CFAP43: variants seen among roughly 807,000 people sequenced by gnomAD.
CFAP43 encodes cilia- and flagella-associated protein 43.
CFAP43 carries 155 observed loss-of-function variants against 218.9 expected under a neutral mutation model. That is an observed-to-expected ratio of 0.71 (90% CI 0.62 to 0.81). The LOEUF (loss-of-function observed/expected upper bound fraction) is 0.81. Ranked by LOEUF, CFAP43 falls within the 30% of genes least tolerant of loss-of-function variation. The pLI, the probability that CFAP43 is intolerant of heterozygous loss-of-function variation, is 0.00. For synonymous variants in CFAP43, 645 were observed against 681.3 expected (o/e 0.95, Z 0.83); for missense variants, 1,778 against 1,954.3 (o/e 0.91, Z 1.70).
Position 104,160,678 on chromosome 10 carries a change from C to A in CFAP43, c.3540+359G>T, listed in dbSNP as rs538187715. Reference sequence around the variant, plus strand: ...GAGAACAAATCAAGCAAAAGTATTACTGAATTCAAATAAATGTACACAACA... The same window carrying A: ...GAGAACAAATCAAGCAAAAGTATTAATGAATTCAAATAAATGTACACAACA... On this transcript the variant is annotated intron_variant, in intron 27 of 37. Coordinates refer to ENST00000357060, the MANE Select transcript of CFAP43 (RefSeq NM_025145.7). Among the ~76,000 whole-genome samples the A allele has an allele frequency of 7.9e-5, 12 of 152,266 alleles. No individual in the cohort carries two copies. In the South Asian group the frequency reaches 2.5e-3, roughly 32 times the overall value.
intron 25 of CFAP43, 116 bp from the exon 26 acceptor site, chr10:104,162,157 G>A: frequency 7.9e-7 from 1 of 1,272,316 alleles, no homozygotes; most frequent in South Asian, 1.3e-5. Flanking sequence ...ATTGGGGAAG[G>A]TAGGTAGTGC....
At chr10:104,131,626 AG>A in intron 36 of CFAP43, 142 bp from the exon 37 acceptor site, 6 of 936,022 alleles carry the variant, frequency 6.4e-6, no homozygotes, top group South Asian at 2.0e-5. Context: ...TGCCTGGCAT[AG>A]TAGGCACTCG....
chr10:104,161,445 G>C (rs980577497), intron 26 of CFAP43, among the ~76,000 whole-genome samples: 1 of 152,086 alleles, frequency 6.6e-6, no homozygotes, highest in African/African-American at 2.4e-5. Flanking sequence ...CTGAGCCCCA[G>C]GAAAACCTAT....
intron 2 of CFAP43, among the ~76,000 whole-genome samples, chr10:104,228,807 T>C (rs2091371890): frequency 6.6e-6 from 1 of 152,208 alleles, no homozygotes; most frequent in African/African-American, 2.4e-5. Context: ...CTTTTGTTAG[T>C]CCTAGCAGAC....
intron 34 of CFAP43, among the ~76,000 whole-genome samples, chr10:104,134,906 G>T (rs1420913043): frequency 6.6e-6 from 1 of 152,100 alleles, no homozygotes; most frequent in Non-Finnish European, 1.5e-5. Context: ...TGATACCAAA[G>T]CCAGAGAAAG....
Position 104,180,345 on chromosome 10 carries a change from G to C in CFAP43, c.2290-413C>G, listed in dbSNP as rs566936963. 5.3e-4 allele frequency among the ~76,000 whole-genome samples: 80 copies of C among 151,824 alleles called. 1 individual carries two copies. The South Asian group carries it at 8.8e-3, about 17-fold the overall frequency. On this transcript the variant is annotated intron_variant, in intron 17 of 37. Coordinates refer to ENST00000357060, the MANE Select transcript of CFAP43 (RefSeq NM_025145.7). ...TATCATCAATTTCTCCCTTTTACAG[G>C]ATCTTTCCCAACAGCATCCAAACAT...
intron 19 of CFAP43, among the ~76,000 whole-genome samples, chr10:104,172,942 G>A (rs2089470223): frequency 6.6e-6 from 1 of 152,080 alleles, no homozygotes; most frequent in Non-Finnish European, 1.5e-5. Context: ...ATGGATGGAA[G>A]CATTGGTGAA....
rs760475670 is a variant in CFAP43, at chr10:104,187,463, T to C, written c.1717A>G (p.Arg573Gly). 1 of 1,594,342 alleles carries C rather than the reference T, an allele frequency of 6.3e-7. No individual in the cohort carries two copies. Among genetic ancestry groups the C allele is most frequent in the Admixed American group, 1.8e-5 (1 of 56,468 alleles). ...TTATGAATGATTTCATCTTTCAGCC[T>C]TCCTCTTTCATCAGCAAAGGTTGTG... ...VSTTFADERG[R>G]LKDEIIHKYL... The change falls in exon 14 of 38, where the codon AGG becomes GGG. Residue 573 changes from arginine (R) to glycine (G), a missense_variant. By Grantham distance (125) the Arg-to-Gly change is moderately radical. Transcript: ENST00000357060.
chr10:104,194,846 G>C (rs2090339758), intron 10 of CFAP43, among the ~76,000 whole-genome samples: 2 of 152,224 alleles, frequency 1.3e-5, no homozygotes, highest in Non-Finnish European at 2.9e-5. Flanking sequence ...AAGTCCAGCA[G>C]CTTGCCCAAG....
At chr10:104,133,964 T>C (rs1447320428) in intron 34 of CFAP43, among the ~76,000 whole-genome samples, 180 bp from the exon 35 acceptor site, 2 of 152,218 alleles carry the variant, frequency 1.3e-5, no homozygotes, top group Non-Finnish European at 2.9e-5. Context: ...TAAAGCATGA[T>C]AGTCACTAAA....
chr10:104,174,416 AT>A (rs1192859807), intron 19 of CFAP43, among the ~76,000 whole-genome samples: 2 of 152,146 alleles, frequency 1.3e-5, no homozygotes, highest in Non-Finnish European at 2.9e-5. Context: ...AAACTATCTG[AT>A]TTCCTGAGAC....
At chr10:104,224,119 C>T (rs1020605294) in intron 3 of CFAP43, among the ~76,000 whole-genome samples, 7 of 152,188 alleles carry the variant, frequency 4.6e-5, no homozygotes, top group Non-Finnish European at 2.9e-5. Flanking sequence ...TCTCAGCTCA[C>T]TGCAAGCTCC....
chr10:104,186,315 T>C (rs2090028142), intron 14 of CFAP43, among the ~76,000 whole-genome samples, 192 bp from the exon 15 acceptor site: 1 of 152,250 alleles, frequency 6.6e-6, no homozygotes, highest in East Asian at 1.9e-4. Context: ...TGTTTCCCAC[T>C]TTTGCAAATA....
chr10:104,215,740 C>G (rs2090995509), intron 3 of CFAP43, among the ~76,000 whole-genome samples: 1 of 152,134 alleles, frequency 6.6e-6, no homozygotes, highest in Non-Finnish European at 1.5e-5. Context: ...AGCCCCTCTA[C>G]TCCCTTCTCA....
intron 34 of CFAP43, among the ~76,000 whole-genome samples, chr10:104,138,226 GTCTCTT>G (rs1341186299): frequency 6.6e-6 from 1 of 152,176 alleles, no homozygotes; most frequent in Non-Finnish European, 1.5e-5. Flanking sequence ...TACCTCTGTG[GTCTCTT>G]TCTCCATACT....
At chr10:104,205,865 T>C (rs1008654735) in intron 7 of CFAP43, 98 bp downstream of exon 7, 2 of 983,270 alleles carry the variant, frequency 2.0e-6, no homozygotes, top group Non-Finnish European at 3.1e-6. Context: ...ATGTGACAGA[T>C]CTGACATCCT....
chr10:104,131,217 A>G, intron 37 of CFAP43, 114 bp downstream of exon 37: 1 of 1,279,210 alleles, frequency 7.8e-7, no homozygotes, highest in Non-Finnish European at 1.1e-6. Context: ...ATTATTTTAA[A>G]CAATGTATTT....
chr10:104,228,130 C>CTGTGCCCGGCCCATATT (rs528276232), intron 2 of CFAP43, among the ~76,000 whole-genome samples: 46 of 152,274 alleles, frequency 3.0e-4, no homozygotes, highest in African/African-American at 1.0e-3. Flanking sequence ...GCGTGAGCCA[C>CTGTGCCCGGCCCATATT]TGTGCCCGGC....
At chr10:104,209,405 A>G (rs757519933) in intron 5 of CFAP43, among the ~76,000 whole-genome samples, 76 of 152,336 alleles carry the variant, frequency 5.0e-4, no homozygotes, top group Non-Finnish European at 8.1e-4. Flanking sequence ...CCTAGGAAAT[A>G]AAGATGTCTG....
Sources: gnomAD v4.1 joint callset for allele counts (sites outside exome capture counted in the v4.1 genomes callset) on GRCh38, gnomAD v4.1.1 for gene constraint, MANE v1.5 for transcripts, NCBI Gene and HGNC (gene_info 2026-07-23, HGNC 2026-07-21) for gene names.